Variants in FGF14 observed in about 807,000 individuals in gnomAD.
The protein encoded by FGF14 is fibroblast growth factor 14.
A neutral mutation model predicts 25.5 loss-of-function variants in FGF14; 5 were observed. The observed-to-expected ratio is 0.20, with a 90% CI of 0.10 to 0.41. The LOEUF is 0.41. Among genes scored for constraint, FGF14 ranks in the 10% least tolerant of loss-of-function variants. FGF14 has a pLI of 1.00. For missense variants in FGF14, 222 were observed against 320.1 expected (o/e 0.69, Z 2.34); for synonymous variants, 138 against 118.3 (o/e 1.17, Z -1.08).
intron 1 of FGF14, among the ~76,000 whole-genome samples, chr13:101,949,251 C>T (rs774017787): frequency 3.3e-5 from 5 of 152,140 alleles, no homozygotes; most frequent in Non-Finnish European, 7.3e-5. Flanking sequence ...TTGTCCCTAC[C>T]GGGAACCTTT....
chr13:102,151,139 G>A (rs1334420352), intron 1 of FGF14, among the ~76,000 whole-genome samples: 6 of 152,210 alleles, frequency 3.9e-5, no homozygotes, highest in Admixed American at 6.5e-5. Flanking sequence ...ACTTCATTGT[G>A]TTTGAGGTTT....
At chr13:102,251,091 T>C (rs548061837) in intron 1 of FGF14, among the ~76,000 whole-genome samples, 1 of 152,352 alleles carries the variant, frequency 6.6e-6, no homozygotes, top group African/African-American at 2.4e-5. Context: ...GTTTTCATTA[T>C]AAACATGAAT....
intron 1 of FGF14, among the ~76,000 whole-genome samples, chr13:102,274,020 G>GGAAAA (rs551145189): frequency 2.6e-4 from 40 of 151,588 alleles, no homozygotes; most frequent in Non-Finnish European, 4.3e-4. Context: ...GAAGGGAAGG[G>GGAAAA]GAAAAGAAAA....
intron 3 of FGF14, among the ~76,000 whole-genome samples, chr13:101,739,006 A>G (rs891079450): frequency 9.5e-5 from 14 of 146,988 alleles, no homozygotes; most frequent in African/African-American, 2.7e-4. Flanking sequence ...GTGTGTGTGT[A>G]TATCTATCTA....
At chr13:102,191,876 T>C (rs2049137873) in intron 1 of FGF14, among the ~76,000 whole-genome samples, 1 of 152,188 alleles carries the variant, frequency 6.6e-6, no homozygotes, top group Non-Finnish European at 1.5e-5. Context: ...AGGCATGAGA[T>C]AGCCATTCCC....
rs1362182765 is a variant in FGF14 at position 101,719,415 on chromosome 13, C to T, written c.*3416G>A. 2.7e-5 allele frequency: 4 copies of T among 150,588 alleles called. No individual in the cohort carries two copies. In the East Asian group the frequency reaches 8.0e-4, roughly 30 times the overall value. The allele number at this position is 150,588 out of a possible 1,614,324, so 9.3% of individuals were successfully genotyped here. A position where few individuals can be genotyped will look rare whatever the true frequency, so the allele number is the denominator to read the frequency against. ...CACTGCTACCCAAAAACATTCAGGACAAGCAAACATTTAGAGCAAGAATCT... is the reference window on the plus strand; with the variant it reads ...CACTGCTACCCAAAAACATTCAGGATAAGCAAACATTTAGAGCAAGAATCT... On this transcript the variant is annotated 3_prime_UTR_variant, in exon 5 of 5. Transcript: ENST00000376143.
At chr13:102,288,767 T>C (rs542080714) in intron 1 of FGF14, among the ~76,000 whole-genome samples, 7 of 152,030 alleles carry the variant, frequency 4.6e-5, no homozygotes, top group Non-Finnish European at 1.0e-4. Flanking sequence ...ATATTTTTAG[T>C]AGAGATGGGG....
chr13:102,068,175 A>C (rs1340894410), intron 1 of FGF14, among the ~76,000 whole-genome samples: 4 of 152,248 alleles, frequency 2.6e-5, no homozygotes, highest in Non-Finnish European at 5.9e-5. Context: ...TCTTCAATCC[A>C]AAAGAAAATG....
intron 1 of FGF14, among the ~76,000 whole-genome samples, chr13:102,192,891 T>C (rs2049183936): frequency 6.6e-6 from 1 of 152,292 alleles, no homozygotes; most frequent in South Asian, 2.1e-4. Flanking sequence ...TCTAGAAAGA[T>C]AGATAATTCC....
intron 1 of FGF14, among the ~76,000 whole-genome samples, chr13:101,885,999 C>T (rs1378322212): frequency 6.6e-6 from 1 of 152,106 alleles, no homozygotes; most frequent in African/African-American, 2.4e-5. Flanking sequence ...TGCTTCAGGA[C>T]ATGTTTGTGA....
chr13:102,048,179 T>C (rs185458168), intron 1 of FGF14, among the ~76,000 whole-genome samples: 14 of 152,290 alleles, frequency 9.2e-5, no homozygotes, highest in African/African-American at 2.9e-4. Flanking sequence ...TTTAATGATG[T>C]GGTAGATGAG....
intron 3 of FGF14, 40 bp from the exon 4 acceptor site, chr13:101,726,850 T>G (rs747270924): frequency 2.1e-6 from 3 of 1,444,258 alleles, no homozygotes; most frequent in South Asian, 2.3e-5. Context: ...AGGAAGGAAC[T>G]TGATCTTCAC....
intron 1 of FGF14, among the ~76,000 whole-genome samples, chr13:102,225,926 C>T (rs765143842): frequency 3.5e-4 from 53 of 152,262 alleles, no homozygotes; most frequent in Admixed American, 3.2e-3. Flanking sequence ...GAGCTGAGGT[C>T]GTGGCCGCAT....
chr13:102,302,878 C>A (rs994578059), intron 1 of FGF14, among the ~76,000 whole-genome samples: 3 of 152,154 alleles, frequency 2.0e-5, no homozygotes, highest in African/African-American at 7.2e-5. Flanking sequence ...GCCATCTATT[C>A]CTACACAATA....
At chr13:101,961,806 C>T (rs1054227970) in intron 1 of FGF14, among the ~76,000 whole-genome samples, 1 of 152,194 alleles carries the variant, frequency 6.6e-6, no homozygotes, top group Non-Finnish European at 1.5e-5. Flanking sequence ...TATAAGTTTC[C>T]TGAGGCCTCC....
intron 1 of FGF14, among the ~76,000 whole-genome samples, chr13:102,117,688 G>C (rs656979): frequency 0.53 from 80,803 of 152,016 alleles, 22,886 homozygotes; most frequent in East Asian, 0.75. Context: ...TGAACAAAGA[G>C]AGCGGTGTTG....
chr13:102,069,589 C>T (rs1164679126), intron 1 of FGF14, among the ~76,000 whole-genome samples: 1 of 151,972 alleles, frequency 6.6e-6, no homozygotes, highest in Non-Finnish European at 1.5e-5. Flanking sequence ...CACAAGCCCA[C>T]CGGGAGGAAC....
intron 1 of FGF14, among the ~76,000 whole-genome samples, chr13:102,387,220 A>G (rs1192598131): frequency 6.6e-6 from 1 of 152,230 alleles, no homozygotes; most frequent in Non-Finnish European, 1.5e-5. Context: ...TTAAAATATC[A>G]CTTTATAAAT....
intron 1 of FGF14, among the ~76,000 whole-genome samples, chr13:101,906,981 A>C (rs1174295357): frequency 1.3e-5 from 2 of 152,186 alleles, no homozygotes; most frequent in Non-Finnish European, 1.5e-5. Context: ...TTCTTTCTAC[A>C]TAATGCTTAA....
Sources: allele counts gnomAD v4.1 joint callset (sites outside exome capture counted in the v4.1 genomes callset), GRCh38; gene constraint gnomAD v4.1.1; transcripts MANE v1.5; gene names NCBI Gene and HGNC (gene_info 2026-07-23, HGNC 2026-07-21).